The following DNAJC1 variants were observed in gnomAD, a reference collection of about 807,000 sequenced individuals.
DNAJC1 encodes the protein DnaJ heat shock protein family (Hsp40) member C1, also known as dnaJ homolog subfamily C member 1.
DNAJC1 carries 58 observed loss-of-function variants against 76.6 expected under a neutral mutation model. The ratio of observed to expected loss-of-function variants is 0.76; its 90% confidence interval spans 0.61 to 0.94. DNAJC1 has a LOEUF of 0.94. DNAJC1 is among the 40% of genes least tolerant of loss of function. The pLI is 0.00. For synonymous variants in DNAJC1, 258 were observed against 267.9 expected (o/e 0.96, Z 0.36); for missense variants, 689 against 677.3 (o/e 1.02, Z -0.19).
chr10:21,903,939 T>C (rs2093628057), intron 7 of DNAJC1, among the ~76,000 whole-genome samples: 1 of 152,168 alleles, frequency 6.6e-6, no homozygotes, highest in Non-Finnish European at 1.5e-5. Context: ...AAGATGTAGA[T>C]AAGGCAAAAA....
At chr10:21,897,581 A>G (rs1275751485) in intron 7 of DNAJC1, among the ~76,000 whole-genome samples, 1 of 152,180 alleles carries the variant, frequency 6.6e-6, no homozygotes, top group Non-Finnish European at 1.5e-5. Flanking sequence ...CAGCAGTGGC[A>G]TTAGATTCTC....
At chr10:21,999,236 T>C (rs1838473712) in intron 1 of DNAJC1, among the ~76,000 whole-genome samples, 1 of 152,206 alleles carries the variant, frequency 6.6e-6, no homozygotes, top group Non-Finnish European at 1.5e-5. Flanking sequence ...CAGTTCTTAC[T>C]GAGGTAGCCT....
chr10:21,815,222 A>G (rs1835055081), intron 8 of DNAJC1, among the ~76,000 whole-genome samples: 1 of 152,236 alleles, frequency 6.6e-6, no homozygotes, highest in Admixed American at 6.5e-5. Context: ...GTTTAATGGC[A>G]TGGAGCCACT....
At chr10:21,799,966 A>G (rs570422399) in intron 9 of DNAJC1, among the ~76,000 whole-genome samples, 1 of 152,264 alleles carries the variant, frequency 6.6e-6, no homozygotes, top group South Asian at 2.1e-4. Flanking sequence ...CTTTGGAGAC[A>G]TCTTATCCAT....
intron 6 of DNAJC1, among the ~76,000 whole-genome samples, chr10:21,909,904 C>T (rs548192037): frequency 1.3e-5 from 2 of 152,294 alleles, no homozygotes; most frequent in East Asian, 1.9e-4. Context: ...AGACATGAGG[C>T]ATATGCCAGA....
At chr10:21,876,359 A>AC (rs1836187921) in intron 8 of DNAJC1, among the ~76,000 whole-genome samples, 1 of 152,026 alleles carries the variant, frequency 6.6e-6, no homozygotes, top group African/African-American at 2.4e-5. Flanking sequence ...AGACCTGCCC[A>AC]CCTCAGCCTC....
At chr10:21,812,124 T>C (rs2131646216) in intron 8 of DNAJC1, among the ~76,000 whole-genome samples, 1 of 151,666 alleles carries the variant, frequency 6.6e-6, no homozygotes, top group South Asian at 2.1e-4. Flanking sequence ...AACAGTGCAA[T>C]CTTGGCTCAC....
At position 22,003,356 on chromosome 10, in the gene DNAJC1, G is replaced by A; in HGVS notation, c.79C>T (p.Pro27Ser). 1 of 1,414,378 alleles carries A rather than the reference G, an allele frequency of 7.1e-7. No individual in the cohort carries two copies. The allele number at this position is 1,414,378 out of a possible 1,614,324, so 87.6% of individuals were successfully genotyped here. A position where few individuals can be genotyped will look rare whatever the true frequency, so the allele number is the denominator to read the frequency against. Residue 27 changes from proline (P) to serine (S), a missense_variant, in exon 1 of 12, where the codon CCG becomes TCG. Transcript: ENST00000376980. ...LGLVPFPPPP[P>S]RTPLLWLLLL... ...AGCAGCCACAGCAGCGGCGTCCGCG[G>A]CGGCGGCGGCGGGAACGGCACCAGC...
At chr10:21,852,092 TACAC>T (rs58289439) in intron 8 of DNAJC1, among the ~76,000 whole-genome samples, 23,595 of 145,932 alleles carry the variant, frequency 0.16, 1,969 homozygotes, top group Middle Eastern at 0.25. Flanking sequence ...AATTGTGAGA[TACAC>T]ACACACACAC....
chr10:21,918,825 C>T lies in DNAJC1; in HGVS notation c.683G>A (p.Gly228Glu). 1 of 1,613,112 alleles carries T rather than the reference C, an allele frequency of 6.2e-7. No homozygotes were observed. The highest frequency in any genetic ancestry group is 8.5e-7 in the Non-Finnish European group (1 of 1,179,382). ...QWHDLLPCKL[G>E]IWFCLTLKAL... The stretch of plus-strand genomic sequence containing the variant: ...TTTTAGTGTAAGGCAAAACCAAATC[C>T]CCAGTTTGCATGGAAGCAAATCATG... Residue 228 changes from glycine (G) to glutamate (E), a missense_variant, in exon 6 of 12, where the codon GGG becomes GAG. Coordinates refer to ENST00000376980, the MANE Select transcript of DNAJC1 (RefSeq NM_022365.4).
chr10:21,784,641 A>G lies in DNAJC1; in HGVS notation c.1099-18332T>C, dbSNP rs1434553171. Among the ~76,000 whole-genome samples the G allele has an allele frequency of 3.3e-5, 5 of 152,324 alleles. No homozygotes were observed. The East Asian group carries it at 7.7e-4, about 23-fold the overall frequency. On this transcript the variant is annotated intron_variant, in intron 9 of 11. Transcript: ENST00000376980. The stretch of plus-strand genomic sequence containing the variant: ...CACTATTCACAATAGTAAAGACTTG[A>G]AACCAACCCAAATGTCCATCAATGA...
At position 21,919,918 on chromosome 10, in the gene DNAJC1, T is replaced by C. The variant is rs1480205837; in HGVS notation, c.549A>G (p.Leu183=). ...TTTTCTTTTCTCTCTTTTTTCTACTTAGTAGTTCATCCTTAATGTGGAAAG... is the reference window on the plus strand; with the variant it reads ...TTTTCTTTTCTCTCTTTTTTCTACTCAGTAGTTCATCCTTAATGTGGAAAG... ...IYLEKQLDEL[L]SRKKREKKKK... is the part of the protein sequence containing the mutation. The change falls in exon 5 of 12, where the codon CTA becomes CTG. Residue 183 remains leucine (L), a synonymous_variant. Coordinates refer to ENST00000376980, the MANE Select transcript of DNAJC1 (RefSeq NM_022365.4). 4 of 1,599,944 alleles carry C rather than the reference T, an allele frequency of 2.5e-6. No individual in the cohort carries two copies. The African/African-American group carries it at 5.4e-5, about 22-fold the overall frequency.
chr10:21,960,004 T>C (rs774565073), intron 1 of DNAJC1, among the ~76,000 whole-genome samples: 54 of 152,128 alleles, frequency 3.5e-4, no homozygotes, highest in Non-Finnish European at 6.2e-4. Context: ...CTAACACCCT[T>C]ACCATTACCA....
intron 9 of DNAJC1, among the ~76,000 whole-genome samples, chr10:21,795,649 AATAAC>A (rs1214705027): frequency 1.3e-5 from 2 of 152,212 alleles, no homozygotes; most frequent in African/African-American, 2.4e-5. Context: ...AATTTACTAA[AATAAC>A]ATGAGATTTA....
At position 21,968,858 on chromosome 10, in the gene DNAJC1, A is replaced by G. The variant is rs145610887; in HGVS notation, c.222+34355T>C. Among the ~76,000 whole-genome samples the G allele has an allele frequency of 4.7e-4, 72 of 152,234 alleles. 1 individual carries two copies. In the East Asian group the frequency reaches 0.014, roughly 29 times the overall value. ...TATTACAAACGCTGCTGCAGCAATA[A>G]TAAGTGGCAATAACAAGGCAGCTGT... is the stretch of plus-strand genomic sequence containing the variant. On this transcript the variant is annotated intron_variant, in intron 1 of 11. Transcript: ENST00000376980.
chr10:21,835,873 G>C (rs1835443905), intron 8 of DNAJC1, among the ~76,000 whole-genome samples: 1 of 152,194 alleles, frequency 6.6e-6, no homozygotes, highest in Non-Finnish European at 1.5e-5. Flanking sequence ...AAGTGACAGG[G>C]AGAATGGAAC....
intron 8 of DNAJC1, among the ~76,000 whole-genome samples, chr10:21,841,412 A>G (rs923405666): frequency 1.3e-5 from 2 of 152,232 alleles, no homozygotes; most frequent in Admixed American, 6.5e-5. Flanking sequence ...CAAGAAAAAA[A>G]CAAACAACCC....
intron 9 of DNAJC1, among the ~76,000 whole-genome samples, chr10:21,800,848 T>G (rs1196815814): frequency 6.6e-6 from 1 of 151,978 alleles, no homozygotes; most frequent in East Asian, 1.9e-4. Context: ...TATTCTTTGA[T>G]GTTTTCTTTT....
At chr10:21,868,230 T>C (rs1318960992) in intron 8 of DNAJC1, among the ~76,000 whole-genome samples, 1 of 150,492 alleles carries the variant, frequency 6.6e-6, no homozygotes, top group Non-Finnish European at 1.5e-5. Flanking sequence ...GTTCAAGTGA[T>C]TCTCCTGCCT....
Sources: allele counts gnomAD v4.1 joint callset (sites outside exome capture counted in the v4.1 genomes callset), GRCh38; gene constraint gnomAD v4.1.1; transcripts MANE v1.5; gene names NCBI Gene and HGNC (gene_info 2026-07-23, HGNC 2026-07-21).